Variants in CENPP observed in about 807,000 individuals in gnomAD.
The protein encoded by CENPP is centromere protein P.
In CENPP, 24 loss-of-function variants were observed where a neutral mutation model predicts 35.6. The ratio of observed to expected loss-of-function variants is 0.67; its 90% CI spans 0.49 to 0.95. The LOEUF (loss-of-function observed/expected upper bound fraction) is 0.95, where lower values mean the gene tolerates loss of function less well. Ranked by LOEUF, CENPP falls within the 40% of genes least tolerant of loss-of-function variation. CENPP has a pLI of 0.00. For missense variants in CENPP, 332 were observed against 345.3 expected (o/e 0.96, Z 0.31); for synonymous variants, 120 against 125.5 (o/e 0.96, Z 0.29).
intron 5 of CENPP, among the ~76,000 whole-genome samples, chr9:92,477,689 C>T (rs1213590337): frequency 6.6e-6 from 1 of 152,064 alleles, no homozygotes; most frequent in Non-Finnish European, 1.5e-5. Flanking sequence ...TAAAGTAGAG[C>T]ACACCTTCCT....
intron 2 of CENPP, among the ~76,000 whole-genome samples, chr9:92,336,027 C>A (rs1247368584): frequency 1.3e-5 from 2 of 152,174 alleles, no homozygotes; most frequent in Non-Finnish European, 2.9e-5. Flanking sequence ...TTAAACAATT[C>A]CACATCTAAT....
At chr9:92,397,953 AT>A (rs1842958238) in intron 5 of CENPP, among the ~76,000 whole-genome samples, 1 of 152,204 alleles carries the variant, frequency 6.6e-6, no homozygotes, top group Non-Finnish European at 1.5e-5. Context: ...AGTATCTTCT[AT>A]TCCAAACCAA....
intron 5 of CENPP, among the ~76,000 whole-genome samples, chr9:92,583,657 G>T (rs906021878): frequency 4.0e-5 from 6 of 151,728 alleles, no homozygotes; most frequent in Non-Finnish European, 8.8e-5. Context: ...TTGGAGGGTA[G>T]ATTAAAACCA....
At chr9:92,514,048 T>C (rs1486809037) in intron 5 of CENPP, among the ~76,000 whole-genome samples, 2 of 152,086 alleles carry the variant, frequency 1.3e-5, no homozygotes, top group Admixed American at 6.5e-5. Context: ...TTGAAGATTA[T>C]GAAATTAGTC....
At chr9:92,350,052 T>G (rs1448283793) in intron 4 of CENPP, among the ~76,000 whole-genome samples, 1 of 152,234 alleles carries the variant, frequency 6.6e-6, no homozygotes, top group Non-Finnish European at 1.5e-5. Context: ...CTGTTAATAT[T>G]TTTGTGAATT....
rs376333101 is a variant in CENPP at position 92,505,589 on chromosome 9, G to A, written c.565-105725G>A. On this transcript the variant is annotated intron_variant, in intron 5 of 7. Coordinates refer to ENST00000375587, the MANE Select transcript of CENPP (RefSeq NM_001012267.3). ...ATTCTAAATTTATTTTTTCCCAGAC[G>A]CAAGTAGGCTAGGCTCTTCAAAGGT... is the stretch of plus-strand genomic sequence containing the variant. The A allele has an allele frequency of 3.5e-5, 57 of 1,608,646 alleles. No homozygotes were observed. The highest frequency in any genetic ancestry group is 1.7e-5 in the Admixed American group (1 of 58,690).
At chr9:92,545,141 G>C (rs963389704) in intron 5 of CENPP, among the ~76,000 whole-genome samples, 2 of 152,206 alleles carry the variant, frequency 1.3e-5, no homozygotes, top group African/African-American at 2.4e-5. Context: ...CGCCCACTCT[G>C]GCCGTGCTTG....
intron 5 of CENPP, among the ~76,000 whole-genome samples, chr9:92,480,838 T>C (rs571879697): frequency 3.0e-4 from 45 of 152,188 alleles, no homozygotes; most frequent in African/African-American, 1.0e-3. Flanking sequence ...CCAAACCAAA[T>C]TCAGATGTAA....
intron 5 of CENPP, among the ~76,000 whole-genome samples, chr9:92,546,337 C>T (rs759682518): frequency 6.6e-6 from 1 of 152,200 alleles, no homozygotes; most frequent in Non-Finnish European, 1.5e-5. Flanking sequence ...CAGAGGTCCC[C>T]TTCCACTGTG....
intron 5 of CENPP, among the ~76,000 whole-genome samples, chr9:92,487,314 G>A (rs970258472): frequency 6.6e-6 from 1 of 152,132 alleles, no homozygotes; most frequent in African/African-American, 2.4e-5. Flanking sequence ...AAAGGTTTCT[G>A]AAAAAGCTTT....
intron 5 of CENPP, among the ~76,000 whole-genome samples, chr9:92,434,422 A>G (rs1844197904): frequency 6.6e-6 from 1 of 151,482 alleles, no homozygotes; most frequent in Non-Finnish European, 1.5e-5. Context: ...GAGTAATTGG[A>G]GATCGAAATA....
intron 5 of CENPP, among the ~76,000 whole-genome samples, chr9:92,522,035 GTTCC>G (rs1458767470): frequency 6.6e-6 from 1 of 152,062 alleles, no homozygotes; most frequent in Non-Finnish European, 1.5e-5. Flanking sequence ...TTATAAATGT[GTTCC>G]TTAAGTTGTT....
rs973323670 is a variant in CENPP at position 92,406,269 on chromosome 9, G to A, written c.564+26410G>A. 1.7e-4 allele frequency among the ~76,000 whole-genome samples: 26 copies of A among 152,156 alleles called. 1 individual carries two copies. The highest frequency in any genetic ancestry group is 1.6e-3 in the Admixed American group (24 of 15,286). On this transcript the variant is annotated intron_variant, in intron 5 of 7. Transcript: ENST00000375587. ...GAGAGAGAGAAGAAGTCAGGGGGAT[G>A]GACCATATTAAGAGATGCGACTAGA...
At chr9:92,451,211 A>G (rs1844699422) in intron 5 of CENPP, among the ~76,000 whole-genome samples, 1 of 149,964 alleles carries the variant, frequency 6.7e-6, no homozygotes, top group South Asian at 2.1e-4. Flanking sequence ...GTTTTCTTCT[A>G]GGGTTTTTAT....
intron 5 of CENPP, among the ~76,000 whole-genome samples, chr9:92,591,856 A>C (rs1850670288): frequency 6.6e-6 from 1 of 152,184 alleles, no homozygotes; most frequent in Non-Finnish European, 1.5e-5. Context: ...TTAAATTATA[A>C]ATTTAATTTA....
intron 5 of CENPP, among the ~76,000 whole-genome samples, chr9:92,454,549 T>C (rs932652400): frequency 4.6e-5 from 7 of 152,348 alleles, no homozygotes; most frequent in Non-Finnish European, 1.0e-4. Flanking sequence ...TTATTTTGTT[T>C]ATTAAAGCAA....
chr9:92,524,378 C>G (rs1294561378), intron 5 of CENPP, among the ~76,000 whole-genome samples: 1 of 152,114 alleles, frequency 6.6e-6, no homozygotes, highest in African/African-American at 2.4e-5. Flanking sequence ...ACAGTAGTAG[C>G]ATTATGGTCA....
At chr9:92,387,548 T>G (rs1196273420) in intron 5 of CENPP, among the ~76,000 whole-genome samples, 1 of 152,180 alleles carries the variant, frequency 6.6e-6, no homozygotes, top group Non-Finnish European at 1.5e-5. Context: ...TCTTTTACCT[T>G]ATCTTCAATA....
At chr9:92,433,941 A>AG (rs1488856153) in intron 5 of CENPP, among the ~76,000 whole-genome samples, 1 of 152,134 alleles carries the variant, frequency 6.6e-6, no homozygotes, top group African/African-American at 2.4e-5. Flanking sequence ...TAAAAAAAAA[A>AG]GTATACATTT....
Sources: allele counts gnomAD v4.1 joint callset (sites outside exome capture counted in the v4.1 genomes callset), GRCh38; gene constraint gnomAD v4.1.1; transcripts MANE v1.5; gene names NCBI Gene and HGNC (gene_info 2026-07-23, HGNC 2026-07-21).